The following SNX17 variants were observed in gnomAD, a reference collection of about 807,000 sequenced individuals.
SNX17 encodes sorting nexin 17.
In SNX17, 35 loss-of-function variants were observed where a neutral mutation model predicts 64.3. The observed-to-expected ratio is 0.54, with a 90% CI of 0.42 to 0.72. The LOEUF (loss-of-function observed/expected upper bound fraction) is 0.72. Ranked by LOEUF, SNX17 falls within the 30% of genes least tolerant of loss-of-function variation. The pLI, the probability that SNX17 is intolerant of heterozygous loss-of-function variation, is 0.00. For missense variants in SNX17, 538 were observed against 610.0 expected, an observed-to-expected ratio of 0.88 and a Z score of 1.24; for synonymous variants, 259 against 230.2, an observed-to-expected ratio of 1.13 and a Z score of -1.13.
Position 27,377,500 on chromosome 2 carries a change from G to C in SNX17, c.*781G>C, listed in dbSNP as rs766816771. The C allele has an allele frequency of 6.2e-7, 1 of 1,601,864 alleles. No homozygotes were observed. Among genetic ancestry groups the C allele is most frequent in the East Asian group, 2.2e-5 (1 of 44,826 alleles). On this transcript the variant is annotated 3_prime_UTR_variant, in exon 15 of 15. Transcript: ENST00000233575. This position sits in a 1 kb window ranked among gnomAD's most constrained non-coding sequence, Gnocchi z 4.4. The stretch of plus-strand genomic sequence containing the variant: ...CCTGGCCAGCGGGGGAGAAAAAGGT[G>C]GCTTCTGGTCCGTCTGTATAAAACA...
chr2:27,376,821 T>A lies in SNX17; in HGVS notation c.*102T>A, dbSNP rs1278989772. On this transcript the variant is annotated 3_prime_UTR_variant, in exon 15 of 15. Transcript: ENST00000233575. ...TAGGGGCGGAGGGGTCTTTTCCTTCTTCTTTCCTACCTACCCCTTTTCTCT... is the reference window on the plus strand; with the variant it reads ...TAGGGGCGGAGGGGTCTTTTCCTTCATCTTTCCTACCTACCCCTTTTCTCT... The A allele has an allele frequency of 5.3e-6, 5 of 949,956 alleles. No homozygotes were observed. Among genetic ancestry groups the A allele is most frequent in the Non-Finnish European group, 8.1e-6 (5 of 616,300 alleles). The allele number at this position is 949,956 out of a possible 1,614,324, so 58.8% of individuals were successfully genotyped here.
At chr2:27,373,367 T>C (rs1682832466) in intron 4 of SNX17, 56 bp downstream of exon 4, 1 of 1,581,148 alleles carries the variant, frequency 6.3e-7, no homozygotes, top group South Asian at 1.1e-5. Flanking sequence ...GAAGGTCATG[T>C]CTTTTATTTT....
chr2:27,372,634 G>T lies in SNX17; in HGVS notation c.150G>T (p.Glu50Asp). ...CTTTCTCTAAATAGCTTCGGAAGGAGTATGGGGCCAATGTGCTTCCTGCAT... is the reference window on the plus strand; with the variant it reads ...CTTTCTCTAAATAGCTTCGGAAGGATTATGGGGCCAATGTGCTTCCTGCAT... ...LLGLHEQLRK[E>D]YGANVLPAFP... Residue 50 changes from glutamate (E) to aspartate (D), a missense_variant, in exon 3 of 15, where the codon GAG becomes GAT. Transcript: ENST00000233575. The T allele has an allele frequency of 1.2e-6, 2 of 1,614,222 alleles. No individual in the cohort carries two copies. The highest frequency in any genetic ancestry group is 1.7e-6 in the Non-Finnish European group (2 of 1,180,038).
chr2:27,375,370 C>T lies in SNX17; in HGVS notation c.775-136C>T. ...AGCCAGGATGGTCTTGAGCTCCTGA[C>T]CTTGTGATCTGTCTGCCTCTGCCTC... On this transcript the variant is annotated intron_variant, in intron 9 of 14. Transcript: ENST00000233575. The surrounding 1 kb of genome is among the most constrained non-coding windows in gnomAD (Gnocchi z 4.1). 1 of 948,286 alleles carries T rather than the reference C, an allele frequency of 1.1e-6. No homozygotes were observed. The highest frequency in any genetic ancestry group is 1.6e-6 in the Non-Finnish European group (1 of 620,322). 58.7% of individuals were successfully genotyped at this position (948,286 alleles called of 1,614,324 possible).
In SNX17 at chr2:27,376,464, C is replaced by A. The variant is rs748552019; in HGVS notation, c.1258-15C>A. The A allele has an allele frequency of 1.9e-6, 3 of 1,614,162 alleles. No individual in the cohort carries two copies. Among genetic ancestry groups the A allele is most frequent in the Non-Finnish European group, 1.7e-6 (2 of 1,180,030 alleles). On this transcript the variant is annotated splice_polypyrimidine_tract_variant and intron_variant, in intron 13 of 14. Coordinates refer to ENST00000233575, the MANE Select transcript of SNX17 (RefSeq NM_014748.4). Reference sequence around the variant, plus strand: ...TCCTAGTGAGTTTCTGACACCTCTGCCTCTTCTTCCCCAGGAGTCACCTGA... The same window carrying A: ...TCCTAGTGAGTTTCTGACACCTCTGACTCTTCTTCCCCAGGAGTCACCTGA...
rs1196005409 is a variant in SNX17 at position 27,373,936 on chromosome 2, G to A, written c.397G>A (p.Val133Met). 3 of 1,614,192 alleles carry A rather than the reference G, an allele frequency of 1.9e-6. No homozygotes were observed. Among genetic ancestry groups the A allele is most frequent in the Non-Finnish European group, 1.7e-6 (2 of 1,180,034 alleles). Reference sequence around the variant, plus strand: ...CAACGGGCAGAAAGTTCTGGTCAACGTGCTAACTTCAGATCAGACTGAGGA... The same window carrying A: ...CAACGGGCAGAAAGTTCTGGTCAACATGCTAACTTCAGATCAGACTGAGGA... ...LSNGQKVLVN[V>M]LTSDQTEDVL... is the part of the protein sequence containing the mutation. The change falls in exon 5 of 15, where the codon GTG (valine) becomes ATG (methionine). Residue 133 changes from valine (V) to methionine (M), a missense_variant. By Grantham distance (21) the Val-to-Met change is conservative. Coordinates refer to ENST00000233575, the MANE Select transcript of SNX17 (RefSeq NM_014748.4).
intron 3 of SNX17, 92 bp downstream of exon 3, chr2:27,372,832 T>A: frequency 6.6e-7 from 1 of 1,517,260 alleles, no homozygotes; most frequent in Non-Finnish European, 9.1e-7. Context: ...CTGATTTAAT[T>A]TCTAGATCTA....
chr2:27,371,342 A>G lies in SNX17; in HGVS notation c.137A>G (p.Gln46Arg). The part of the protein sequence containing the change: ...RYSQLLGLHE[Q>R]LRKEYGANVL... ...AGCCAGCTCCTGGGGCTGCACGAGCAGGTGGGACTAGCACCCCTGCCTTGA... is the reference window on the plus strand; with the variant it reads ...AGCCAGCTCCTGGGGCTGCACGAGCGGGTGGGACTAGCACCCCTGCCTTGA... The change falls in exon 2 of 15, where the codon CAG (glutamine) becomes CGG (arginine). Residue 46 changes from glutamine (Q) to arginine (R), a missense_variant and splice_region_variant. Coordinates refer to ENST00000233575, the MANE Select transcript of SNX17 (RefSeq NM_014748.4). The G allele has an allele frequency of 6.2e-7, 1 of 1,611,358 alleles. No homozygotes were observed. The highest frequency in any genetic ancestry group is 8.5e-7 in the Non-Finnish European group (1 of 1,179,636).
intron 3 of SNX17, 27 bp downstream of exon 3, chr2:27,372,767 A>G: frequency 1.2e-6 from 2 of 1,613,892 alleles, no homozygotes; most frequent in Non-Finnish European, 8.5e-7. Context: ...AACTAGGTTG[A>G]CTATATTGAG....
Position 27,375,884 on chromosome 2 carries a change from G to C in SNX17, c.1017G>C (p.Arg339=). The C allele has an allele frequency of 6.2e-7, 1 of 1,614,152 alleles. No individual in the cohort carries two copies. Among genetic ancestry groups the C allele is most frequent in the Non-Finnish European group, 8.5e-7 (1 of 1,180,036 alleles). ...GTGGAAGCACGAGCAGCCCAGGCCG[G>C]GGCCGGGGTGAGGTGCGCCTGGAAC... is the stretch of plus-strand genomic sequence containing the variant. ...LPSGSTSSPG[R]GRGEVRLELA... The change falls in exon 11 of 15, where the codon CGG becomes CGC. Residue 339 remains arginine, a synonymous_variant. Coordinates refer to ENST00000233575, the MANE Select transcript of SNX17 (RefSeq NM_014748.4). The surrounding 1 kb of genome is among the most constrained non-coding windows in gnomAD (Gnocchi z 4.1).
chr2:27,373,747 C>T (rs1331102706), intron 4 of SNX17, 114 bp from the exon 5 acceptor site: 1 of 707,862 alleles, frequency 1.4e-6, no homozygotes, highest in Non-Finnish European at 2.5e-6. Context: ...AAATCACAGC[C>T]TATATTTAAG....
Position 27,373,245 on chromosome 2 carries a change from A to C in SNX17, c.257-2A>C. 6.2e-7 allele frequency: 1 copy of C among 1,614,214 alleles called. No individual in the cohort carries two copies. Among genetic ancestry groups the C allele is most frequent in the South Asian group, 1.1e-5 (1 of 91,090 alleles). On this transcript the variant is annotated splice_acceptor_variant, in intron 3 of 14. Transcript: ENST00000233575. LOFTEE classifies it high-confidence loss of function. ...TGTAATAATGTTCTCTTGTCCTCGT[A>C]GTTCGGCAAGACCCATTGCTTGGGA...
In SNX17 at chr2:27,375,698, G is replaced by T; in HGVS notation, c.967G>T (p.Val323Phe). The change falls in exon 10 of 15, where the codon GTC becomes TTC. Residue 323 changes from valine to phenylalanine, a missense_variant. By Grantham distance (50) the Val-to-Phe change is conservative. Transcript: ENST00000233575. The surrounding 1 kb of genome is among the most constrained non-coding windows in gnomAD (Gnocchi z 4.1). ...GGTCACCCGCATGCGATGCTGGCGG[G>T]TCACCTCCTCTGTGAGTCGGGTTAG... ...FRVTRMRCWR[V>F]TSSVPLPSGS... The T allele has an allele frequency of 6.2e-7, 1 of 1,614,054 alleles. No individual in the cohort carries two copies. Among genetic ancestry groups the T allele is most frequent in the Non-Finnish European group, 8.5e-7 (1 of 1,180,042 alleles).
rs915894673 is a variant in SNX17, at chr2:27,375,299, C to T, written c.774+146C>T. On this transcript the variant is annotated intron_variant, in intron 9 of 14. Coordinates refer to ENST00000233575, the MANE Select transcript of SNX17 (RefSeq NM_014748.4). This position sits in a 1 kb window ranked among gnomAD's most constrained non-coding sequence, Gnocchi z 4.1. ...GACTACAGGCACCCGCCACGACGCC[C>T]GGCTAATTTTTTGTATTTTTGGGAG... 1.0e-5 allele frequency: 9 copies of T among 897,086 alleles called. No individual in the cohort carries two copies. Among genetic ancestry groups the T allele is most frequent in the East Asian group, 2.6e-5 (1 of 37,898 alleles). 55.6% of individuals were successfully genotyped at this position (897,086 alleles called of 1,614,324 possible). A position where few individuals can be genotyped will look rare whatever the true frequency, so the allele number is the denominator to read the frequency against.
At position 27,376,379 on chromosome 2, in the gene SNX17, C is replaced by A; in HGVS notation, c.1249C>A (p.Pro417Thr). The change falls in exon 13 of 15, where the codon CCA (proline) becomes ACA (threonine). Residue 417 changes from proline (P) to threonine (T), a missense_variant. Around this residue, in one of 3 missense-constraint regions of SNX17, gnomAD observed 505 missense variants for 550.4 expected, o/e 0.92. Coordinates refer to ENST00000233575, the MANE Select transcript of SNX17 (RefSeq NM_014748.4). ...CAGCCAGCAAGCAGTGAAGTCCCCA[C>A]CACTGCTTGTAAGTATTACCTCCTG... ...SDSQQAVKSP[P>T]LLESPDATRE... 6.2e-7 allele frequency: 1 copy of A among 1,613,870 alleles called. No individual in the cohort carries two copies. Among genetic ancestry groups the A allele is most frequent in the Non-Finnish European group, 8.5e-7 (1 of 1,179,870 alleles).
chr2:27,370,914 C>T (rs1682425112), intron 1 of SNX17, 108 bp downstream of exon 1: 4 of 1,277,912 alleles, frequency 3.1e-6, no homozygotes, highest in Admixed American at 2.7e-5. Flanking sequence ...GGGCCTGGTC[C>T]TGGGCCGCCG....
chr2:27,375,475 A>C lies in SNX17; in HGVS notation c.775-31A>C. The C allele has an allele frequency of 1.9e-6, 3 of 1,612,622 alleles. No homozygotes were observed. The highest frequency in any genetic ancestry group is 2.5e-6 in the Non-Finnish European group (3 of 1,179,334). On this transcript the variant is annotated intron_variant, in intron 9 of 14. Transcript: ENST00000233575. The surrounding 1 kb of genome is among the most constrained non-coding windows in gnomAD (Gnocchi z 4.1). ...TCTGAGCTGCCCCATTCTCCCTCCT[A>C]ATCTACCCCCATGTGATGACCATTT...
At position 27,375,929 on chromosome 2, in the gene SNX17, G is replaced by A; in HGVS notation, c.1062G>A (p.Met354Ile). 6.2e-7 allele frequency: 1 copy of A among 1,614,192 alleles called. No homozygotes were observed. The highest frequency in any genetic ancestry group is 8.5e-7 in the Non-Finnish European group (1 of 1,180,044). The change falls in exon 11 of 15, where the codon ATG becomes ATA. Residue 354 changes from methionine to isoleucine, a missense_variant. Met to Ile is a conservative substitution (Grantham distance 10). Transcript: ENST00000233575. This position sits in a 1 kb window ranked among gnomAD's most constrained non-coding sequence, Gnocchi z 4.1. The stretch of plus-strand genomic sequence containing the variant: ...TGGAACTGGCTTTTGAATACCTCAT[G>A]AGCAAGGACCGGCTACAGTGGGTCA... Reference protein sequence around the residue: ...VRLELAFEYLMSKDRLQWVTI... With the variant: ...VRLELAFEYLISKDRLQWVTI...
Position 27,374,412 on chromosome 2 carries a change from A to T in SNX17, c.590A>T (p.Tyr197Phe). The change falls in exon 7 of 15, where the codon TAT (tyrosine) becomes TTT (phenylalanine). Residue 197 changes from tyrosine to phenylalanine, a missense_variant. Tyr to Phe is a conservative substitution (Grantham distance 22). Transcript: ENST00000233575. ...GTCACCAGCCTTCGGAGTCAAGAGTATAAGATTGTGCTAAGGAAGAGGTCA... is the reference window on the plus strand; with the variant it reads ...GTCACCAGCCTTCGGAGTCAAGAGTTTAAGATTGTGCTAAGGAAGAGGTCA... ...VSVTSLRSQE[Y>F]KIVLRKSYWD... 1 of 1,613,708 alleles carries T rather than the reference A, an allele frequency of 6.2e-7. No homozygotes were observed. The highest frequency in any genetic ancestry group is 8.5e-7 in the Non-Finnish European group (1 of 1,179,878).
Sources: gnomAD v4.1 joint callset for allele counts on GRCh38, gnomAD v4.1.1 for gene constraint, gnomAD v4.1.1 regional missense constraint, Gnocchi (gnomAD v3.1) non-coding constraint, MANE v1.5 for transcripts, NCBI Gene and HGNC (gene_info 2026-07-23, HGNC 2026-07-21) for gene names.